SGCD: variants seen among roughly 807,000 people sequenced by gnomAD.
SGCD encodes delta-sarcoglycan.
SGCD carries 18 observed loss-of-function variants against 36.6 expected under a neutral mutation model. The observed-to-expected ratio is 0.49, with a 90% CI of 0.34 to 0.73. The LOEUF (loss-of-function observed/expected upper bound fraction) is 0.73, where lower values mean the gene tolerates loss of function less well. Ranked by LOEUF, SGCD falls within the 30% of genes least tolerant of loss-of-function variation. The pLI, the probability that SGCD is intolerant of heterozygous loss-of-function variation, is 0.01. For missense variants in SGCD, 387 were observed against 346.7 expected (o/e 1.12, Z -0.92); for synonymous variants, 133 against 130.6 (o/e 1.02, Z -0.12).
At chr5:156,121,601 G>A (rs529944655) in intron 2 of SGCD, among the ~76,000 whole-genome samples, 13 of 152,114 alleles carry the variant, frequency 8.5e-5, no homozygotes, top group East Asian at 3.9e-4. Context: ...TTATGTTACC[G>A]CAATGAGGGG....
chr5:156,426,972 A>C (rs954767809), intron 3 of SGCD, among the ~76,000 whole-genome samples: 1 of 152,098 alleles, frequency 6.6e-6, no homozygotes, highest in African/African-American at 2.4e-5. Context: ...GCATTTGAGT[A>C]ATGTGGTGCC....
At chr5:156,675,768 C>A (rs1159011470) in intron 7 of SGCD, among the ~76,000 whole-genome samples, 1 of 152,086 alleles carries the variant, frequency 6.6e-6, no homozygotes, top group Non-Finnish European at 1.5e-5. Flanking sequence ...AGGGTGGCAG[C>A]ATTGTCTAAG....
intron 3 of SGCD, among the ~76,000 whole-genome samples, chr5:156,257,749 A>G (rs1407158848): frequency 6.6e-6 from 1 of 151,930 alleles, no homozygotes; most frequent in Non-Finnish European, 1.5e-5. Context: ...CTGTAATCCC[A>G]GCTACTCCAG....
chr5:156,247,079 A>G (rs1765457659), intron 3 of SGCD, among the ~76,000 whole-genome samples: 1 of 152,198 alleles, frequency 6.6e-6, no homozygotes, highest in Non-Finnish European at 1.5e-5. Flanking sequence ...AGTGATAATG[A>G]AGATTATTAC....
chr5:155,903,049 AC>A (rs769888593), intron 1 of SGCD, among the ~76,000 whole-genome samples: 16 of 152,342 alleles, frequency 1.1e-4, no homozygotes, highest in Admixed American at 2.0e-4. Flanking sequence ...CATTGCTAAA[AC>A]ATGAAAATGC....
rs371737343 is a variant in SGCD, at chr5:156,524,713, T to C, written c.294+16011T>C. Among the ~76,000 whole-genome samples, 28 of 152,112 alleles carry C rather than the reference T, an allele frequency of 1.8e-4. No individual in the cohort carries two copies. The South Asian group carries it at 5.8e-3, about 32-fold the overall frequency. On this transcript the variant is annotated intron_variant, in intron 4 of 8. Transcript: ENST00000337851. The stretch of plus-strand genomic sequence containing the variant: ...AACTTATTCACGTTATAAATGAAAG[T>C]GTGTACTCTTTGATGAACATCTTGT...
intron 7 of SGCD, among the ~76,000 whole-genome samples, chr5:156,712,325 T>C (rs1458462223): frequency 1.3e-5 from 2 of 152,198 alleles, no homozygotes; most frequent in African/African-American, 4.8e-5. Context: ...GGGTAAGGTA[T>C]GCCGCAAGCT....
intron 7 of SGCD, among the ~76,000 whole-genome samples, chr5:156,724,243 T>C (rs1278297068): frequency 6.6e-6 from 1 of 152,172 alleles, no homozygotes; most frequent in Non-Finnish European, 1.5e-5. Flanking sequence ...TTTAATATGA[T>C]GTTCACATAG....
upstream of SGCD, among the ~76,000 whole-genome samples, chr5:155,866,017 A>G (rs530428487): frequency 1.3e-5 from 2 of 152,180 alleles, no homozygotes; most frequent in Non-Finnish European, 2.9e-5. Context: ...AAAGGTCAAT[A>G]GTTCAGCTCA....
At chr5:156,359,156 C>A (rs1160129296) in intron 3 of SGCD, among the ~76,000 whole-genome samples, 1 of 152,172 alleles carries the variant, frequency 6.6e-6, no homozygotes, top group Non-Finnish European at 1.5e-5. Flanking sequence ...ACTATAATTA[C>A]TCATAGTGAA....
chr5:156,039,282 G>A (rs1259914425), intron 1 of SGCD, among the ~76,000 whole-genome samples: 2 of 144,898 alleles, frequency 1.4e-5, no homozygotes, highest in African/African-American at 2.9e-5. Flanking sequence ...ATTAATATAT[G>A]CATTTCTAAC....
chr5:156,437,074 C>T (rs771534645), intron 3 of SGCD, among the ~76,000 whole-genome samples: 17 of 152,110 alleles, frequency 1.1e-4, no homozygotes, highest in Non-Finnish European at 2.5e-4. Context: ...AAATACCAAA[C>T]ATTATCCTTT....
chr5:156,573,468 A>T (rs375637175), intron 4 of SGCD, among the ~76,000 whole-genome samples: 63 of 152,274 alleles, frequency 4.1e-4, no homozygotes, highest in African/African-American at 1.4e-3. Flanking sequence ...TCCTAACTTT[A>T]ATCAGCAGTT....
At chr5:156,529,423 CAAAA>C (rs397884521) in intron 4 of SGCD, among the ~76,000 whole-genome samples, 2 of 59,146 alleles carry the variant, frequency 3.4e-5, no homozygotes, top group Non-Finnish European at 6.7e-5. Context: ...GACTCTGTCT[CAAAA>C]AAAAAAAAAA....
chr5:156,346,991 G>T (rs1434053505), intron 3 of SGCD, among the ~76,000 whole-genome samples: 3 of 151,888 alleles, frequency 2.0e-5, no homozygotes, highest in African/African-American at 7.3e-5. Flanking sequence ...TAGAGATGGG[G>T]TTTCACTGTG....
the SGCD span, among the ~76,000 whole-genome samples, chr5:155,797,760 C>G: frequency 1.3e-5 from 2 of 152,132 alleles, no homozygotes. Context: ...TCTTTAAAAC[C>G]CGTGTTAAAT....
intron 3 of SGCD, among the ~76,000 whole-genome samples, chr5:156,182,503 A>G (rs909542325): frequency 8.5e-5 from 13 of 152,204 alleles, no homozygotes; most frequent in Non-Finnish European, 1.3e-4. Flanking sequence ...AGGTGGGAAG[A>G]TCACTTGAGC....
At chr5:156,606,973 C>T (rs982717860) in intron 6 of SGCD, among the ~76,000 whole-genome samples, 10 of 152,164 alleles carry the variant, frequency 6.6e-5, no homozygotes, top group Non-Finnish European at 1.5e-4. Flanking sequence ...TCTGGATATA[C>T]AATCATGTCG....
At chr5:156,539,200 C>A (rs1758248586) in intron 4 of SGCD, among the ~76,000 whole-genome samples, 1 of 151,952 alleles carries the variant, frequency 6.6e-6, no homozygotes, top group Non-Finnish European at 1.5e-5. Context: ...GGGTCTCCCT[C>A]TTTACATGAG....
Sources: allele counts gnomAD v4.1 joint callset (sites outside exome capture counted in the v4.1 genomes callset), GRCh38; gene constraint gnomAD v4.1.1; transcripts MANE v1.5; gene names NCBI Gene and HGNC (gene_info 2026-07-23, HGNC 2026-07-21).